The following PYM1 variants were observed in gnomAD, a reference collection of about 807,000 sequenced individuals.
The protein encoded by PYM1 is partner of Y14 and mago.
In PYM1, 7 loss-of-function variants were observed where a neutral mutation model predicts 20.7. The observed-to-expected ratio is 0.34, with a 90% CI of 0.19 to 0.64. The LOEUF (loss-of-function observed/expected upper bound fraction) is 0.64, where lower values mean the gene tolerates loss of function less well. PYM1 is among the 30% of genes least tolerant of loss of function. PYM1 has a pLI of 0.74. For missense variants in PYM1, 194 were observed against 250.0 expected (o/e 0.78, Z 1.51); for synonymous variants, 100 against 99.2 (o/e 1.01, Z -0.05).
At chr12:55,910,969 T>C (rs1882912681) in intron 1 of PYM1, among the ~76,000 whole-genome samples, 1 of 152,210 alleles carries the variant, frequency 6.6e-6, no homozygotes, top group Non-Finnish European at 1.5e-5. Context: ...TGAAGTCTTA[T>C]GGTGGCTACC....
At chr12:55,912,717 C>A (rs1483876578) in intron 1 of PYM1, among the ~76,000 whole-genome samples, 1 of 152,154 alleles carries the variant, frequency 6.6e-6, no homozygotes, top group Non-Finnish European at 1.5e-5. Context: ...GTAATCCCAG[C>A]ACTTTGGGAG....
intron 1 of PYM1, among the ~76,000 whole-genome samples, chr12:55,903,835 C>T (rs1044545792): frequency 7.9e-5 from 12 of 151,998 alleles, no homozygotes; most frequent in African/African-American, 2.9e-4. Flanking sequence ...GGAGAAATGA[C>T]AATAGCGGAT....
intron 1 of PYM1, 58 bp downstream of exon 1, chr12:55,927,667 A>G: frequency 6.5e-7 from 1 of 1,533,666 alleles, no homozygotes; most frequent in Non-Finnish European, 8.8e-7. Context: ...CAACCCACTC[A>G]ACCACCAGAG....
chr12:55,920,536 G>A (rs1468776905), intron 1 of PYM1, among the ~76,000 whole-genome samples: 2 of 151,694 alleles, frequency 1.3e-5, no homozygotes, highest in Non-Finnish European at 2.9e-5. Context: ...TACTCGGGAG[G>A]CTGAGGCAGG....
intron 1 of PYM1, among the ~76,000 whole-genome samples, chr12:55,910,954 T>G (rs1882912369): frequency 1.3e-5 from 2 of 152,202 alleles, no homozygotes; most frequent in African/African-American, 4.8e-5. Flanking sequence ...AGACCAAGGT[T>G]CTTTTGAAGT....
At chr12:55,926,025 T>C (rs1009417150) in intron 1 of PYM1, among the ~76,000 whole-genome samples, 8 of 152,090 alleles carry the variant, frequency 5.3e-5, no homozygotes, top group African/African-American at 1.9e-4. Flanking sequence ...GTAAGGAACA[T>C]GGAAAGCAGC....
intron 1 of PYM1, chr12:55,914,190 T>C (rs1882968946): frequency 1.5e-6 from 1 of 660,698 alleles, no homozygotes; most frequent in East Asian, 2.7e-5. Flanking sequence ...TAGACTGTAA[T>C]GAAAGGCAGA....
At chr12:55,904,281 G>A (rs1882748906) in intron 1 of PYM1, among the ~76,000 whole-genome samples, 1 of 150,630 alleles carries the variant, frequency 6.6e-6, no homozygotes, top group South Asian at 2.1e-4. Flanking sequence ...AAGGGTATTC[G>A]TTGATGCATG....
intron 1 of PYM1, among the ~76,000 whole-genome samples, chr12:55,915,695 A>G (rs1213183978): frequency 6.6e-6 from 1 of 152,200 alleles, no homozygotes; most frequent in African/African-American, 2.4e-5. Flanking sequence ...TAGGCAAGCA[A>G]AGCATAAGAC....
chr12:55,904,279 T>C (rs1232535745), intron 1 of PYM1, among the ~76,000 whole-genome samples: 1 of 151,076 alleles, frequency 6.6e-6, no homozygotes, highest in Non-Finnish European at 1.5e-5. Context: ...TAAAGGGTAT[T>C]CGTTGATGCA....
intron 1 of PYM1, among the ~76,000 whole-genome samples, chr12:55,912,000 T>C (rs535585483): frequency 1.1e-4 from 16 of 152,198 alleles, no homozygotes; most frequent in East Asian, 5.8e-4. Flanking sequence ...GTAGGATCAA[T>C]TGAGTCTTGG....
intron 1 of PYM1, among the ~76,000 whole-genome samples, chr12:55,912,456 C>T (rs563395034): frequency 1.5e-4 from 23 of 152,152 alleles, no homozygotes; most frequent in African/African-American, 5.1e-4. Flanking sequence ...TGGTGGCTCA[C>T]GCCTGTAATC....
In PYM1 at chr12:55,902,090, C is replaced by A; in HGVS notation, c.397G>T (p.Ala133Ser). The change falls in exon 3 of 3, where the codon GCA becomes TCA. Residue 133 changes from alanine to serine, a missense_variant. Ala to Ser is a moderately conservative substitution (Grantham distance 99). Around this residue, in one of 3 missense-constraint regions of PYM1, gnomAD observed 158 missense variants for 179.0 expected, o/e 0.88. Coordinates refer to ENST00000408946, the MANE Select transcript of PYM1 (RefSeq NM_032345.3). The stretch of plus-strand genomic sequence containing the variant: ...TGGTCAGATGCAGCTGTGGGGGCTG[C>A]CCGAGAGCCCTGTGGAGCACTGGGG... The part of the protein sequence containing the change: ...QLPSAPQGSR[A>S]APTAASDQPD... 6.2e-7 allele frequency: 1 copy of A among 1,614,118 alleles called. No homozygotes were observed.
intron 1 of PYM1, among the ~76,000 whole-genome samples, chr12:55,904,006 T>G (rs1431661235): frequency 2.6e-5 from 4 of 152,220 alleles, no homozygotes; most frequent in Middle Eastern, 3.4e-3. Context: ...TTTCACTCTG[T>G]CACCAAGGCT....
At chr12:55,920,211 A>C (rs1280924119) in intron 1 of PYM1, among the ~76,000 whole-genome samples, 1 of 152,144 alleles carries the variant, frequency 6.6e-6, no homozygotes, top group Admixed American at 6.5e-5. Flanking sequence ...CTTTAAAAAA[A>C]AAAAAGGAAA....
At chr12:55,902,911 G>T (rs1392981113) in intron 2 of PYM1, among the ~76,000 whole-genome samples, 1 of 152,134 alleles carries the variant, frequency 6.6e-6, no homozygotes, top group Admixed American at 6.6e-5. Flanking sequence ...GGGATTACAG[G>T]CTCGTGCCAC....
At position 55,927,732 on chromosome 12, in the gene PYM1, C is replaced by T; in HGVS notation, c.30G>A (p.Thr10=). The T allele has an allele frequency of 6.5e-7, 1 of 1,540,008 alleles. No individual in the cohort carries two copies. ...GCGCCGCGGGTCGGTCACCTGTCTC[C>T]GTAGCCGCAGGGCTGCCGGCAGCTT... MEAAGSPAA[T]ETGKYIASTQ... Residue 10 remains threonine (T), a synonymous_variant, in exon 1 of 3, where the codon ACG becomes ACA. Transcript: ENST00000408946.
chr12:55,927,434 G>T (rs1280436552), intron 1 of PYM1: 1 of 708,638 alleles, frequency 1.4e-6, no homozygotes, highest in South Asian at 1.5e-5. Flanking sequence ...CGAGGGAAAA[G>T]GGCGCAAGGC....
At chr12:55,907,620 G>A (rs1341854160) in intron 1 of PYM1, among the ~76,000 whole-genome samples, 6 of 135,836 alleles carry the variant, frequency 4.4e-5, no homozygotes, top group African/African-American at 1.1e-4. Context: ...GTGACAGAGC[G>A]AGACTTCGTC....
Sources: allele counts gnomAD v4.1 joint callset (sites outside exome capture counted in the v4.1 genomes callset), GRCh38; gene constraint gnomAD v4.1.1; regional missense constraint gnomAD v4.1.1; transcripts MANE v1.5; gene names NCBI Gene and HGNC (gene_info 2026-07-23, HGNC 2026-07-21).